Variants in HOXA3 observed in about 807,000 individuals in gnomAD.
The protein encoded by HOXA3 is homeobox A3, also known as homeobox protein Hox-A3.
A neutral mutation model predicts 30.3 loss-of-function variants in HOXA3; 8 were observed. The ratio of observed to expected loss-of-function variants is 0.26; its 90% CI spans 0.15 to 0.48. HOXA3 has a LOEUF of 0.48. Among genes scored for constraint, HOXA3 ranks in the 20% least tolerant of loss-of-function variants. HOXA3 has a pLI of 0.99. For missense variants in HOXA3, 653 were observed against 614.4 expected (o/e 1.06, Z -0.66); for synonymous variants, 323 against 273.1 (o/e 1.18, Z -1.80).
Position 27,108,805 on chromosome 7 carries a change from C to G in HOXA3, c.527-85G>C. 1 of 1,043,736 alleles carries G rather than the reference C, an allele frequency of 9.6e-7. No homozygotes were observed. The highest frequency in any genetic ancestry group is 2.5e-5 in the East Asian group (1 of 39,618). The allele number at this position is 1,043,736 out of a possible 1,614,324, so 64.7% of individuals were successfully genotyped here. The stretch of plus-strand genomic sequence containing the variant: ...TGACCCAGCCCGGCCCCTCCTTCCA[C>G]CAGGCCCCAAAGGTTCCTGCATCCG... On this transcript the variant is annotated intron_variant, in intron 5 of 5. Coordinates refer to ENST00000612286, the MANE Select transcript of HOXA3 (RefSeq NM_153631.3). This position sits in a 1 kb window ranked among gnomAD's most constrained non-coding sequence, Gnocchi z 5.0.
chr7:27,141,969 C>T, intron 1 of HOXA3: 2 of 1,614,268 alleles, frequency 1.2e-6, no homozygotes, highest in Non-Finnish European at 1.7e-6. Flanking sequence ...TGTGCTATTT[C>T]AATCCTCCTT....
chr7:27,139,620 C>T (rs1004563238), intron 2 of HOXA3, among the ~76,000 whole-genome samples: 1 of 152,234 alleles, frequency 6.6e-6, no homozygotes, highest in Non-Finnish European at 1.5e-5. Flanking sequence ...CTTTCAAACT[C>T]CTGAGCGCAG....
At chr7:27,140,060 A>G (rs953754130) in intron 2 of HOXA3, 23 bp downstream of exon 2, 1 of 150,312 alleles carries the variant, frequency 6.7e-6, no homozygotes, top group African/African-American at 2.5e-5. Context: ...ATAAACTTGA[A>G]AGCGCTCAGG....
intron 2 of HOXA3, among the ~76,000 whole-genome samples, chr7:27,135,773 C>T (rs936737018): frequency 6.6e-6 from 1 of 152,184 alleles, no homozygotes; most frequent in East Asian, 1.9e-4. Flanking sequence ...GTTTTTAAAG[C>T]TCCACAGATG....
intron 1 of HOXA3, among the ~76,000 whole-genome samples, chr7:27,149,503 GA>G (rs1224714452): frequency 6.6e-6 from 1 of 152,252 alleles, no homozygotes; most frequent in African/African-American, 2.4e-5. Context: ...AAAAAATTGG[GA>G]AAGGACTGGC....
chr7:27,128,660 T>TG, intron 2 of HOXA3: 2 of 166,884 alleles, frequency 1.2e-5, no homozygotes, highest in South Asian at 1.5e-4. Context: ...ACAGTATCTC[T>TG]GTAACAGTGT....
At chr7:27,133,657 G>C (rs17427693) in intron 2 of HOXA3, among the ~76,000 whole-genome samples, 15,210 of 152,252 alleles carry the variant, frequency 0.1, 1,009 homozygotes, top group African/African-American at 0.19. Context: ...AGTGAAGGGA[G>C]TCGGAGGGAG....
chr7:27,126,599 CA>C (rs969848195), intron 3 of HOXA3, among the ~76,000 whole-genome samples: 33 of 152,068 alleles, frequency 2.2e-4, no homozygotes, highest in African/African-American at 7.7e-4. Flanking sequence ...TTGAAGCAGG[CA>C]AAACAACACT....
rs70994629 is a variant in HOXA3, at chr7:27,114,744, T to TAC, written c.-120-3986_-120-3985dup. 6.0e-3 allele frequency among the ~76,000 whole-genome samples: 556 copies of TAC among 93,432 alleles called. 20 individuals are homozygous for TAC. The highest frequency in any genetic ancestry group is 0.018 in the African/African-American group (479 of 26,620). 61.3% of individuals were successfully genotyped at this position (93,432 alleles called of 152,430 possible). On this transcript the variant is annotated intron_variant, in intron 4 of 5. Coordinates refer to ENST00000612286, the MANE Select transcript of HOXA3 (RefSeq NM_153631.3). ...CTGACCCCAAGAGAAACCGACATCATACACACACACACACACACACACACG... is the reference window on the plus strand; with the variant it reads ...CTGACCCCAAGAGAAACCGACATCATACACACACACACACACACACACACACG...
At chr7:27,130,570 A>T (rs1290914086) in intron 2 of HOXA3, 21 of 1,445,122 alleles carry the variant, frequency 1.5e-5, no homozygotes, top group Non-Finnish European at 1.8e-5. Flanking sequence ...GGGCTGCTGC[A>T]GCGGCAGGTG....
intron 4 of HOXA3, among the ~76,000 whole-genome samples, chr7:27,112,405 G>A (rs894097148): frequency 2.6e-5 from 4 of 152,102 alleles, no homozygotes; most frequent in Non-Finnish European, 1.5e-5. Flanking sequence ...GACTCCTTTA[G>A]ATTTCATTAT....
intron 2 of HOXA3, chr7:27,130,509 C>T (rs1467810835): frequency 7.7e-7 from 1 of 1,305,610 alleles, no homozygotes; most frequent in South Asian, 2.3e-5. Flanking sequence ...CGGTCCGCGG[C>T]GCGTAGTAGG....
chr7:27,110,108 C>T lies in HOXA3; in HGVS notation c.526+7G>A, dbSNP rs1168495024. On this transcript the variant is annotated splice_region_variant and intron_variant, in intron 5 of 5. Transcript: ENST00000612286. Reference sequence around the variant, plus strand: ...AGAGGACCCTCTTCCAGAAGGCACTCCTTTACCTGAGCTGGAGCTGCTGGT... The same window carrying T: ...AGAGGACCCTCTTCCAGAAGGCACTTCTTTACCTGAGCTGGAGCTGCTGGT... The T allele has an allele frequency of 6.2e-7, 1 of 1,614,152 alleles. No homozygotes were observed. The highest frequency in any genetic ancestry group is 1.7e-5 in the Admixed American group (1 of 60,030).
At chr7:27,128,918 G>A (rs1785394138) in intron 2 of HOXA3, 1 of 424,426 alleles carries the variant, frequency 2.4e-6, no homozygotes, top group Non-Finnish European at 4.3e-6. Flanking sequence ...CCAGCTAGCT[G>A]ACTGTAGCCA....
Position 27,147,346 on chromosome 7 carries a change from G to C in HOXA3, c.-494+4942C>G, listed in dbSNP as rs774234211. 24 of 1,614,128 alleles carry C rather than the reference G, an allele frequency of 1.5e-5. No homozygotes were observed. The highest frequency in any genetic ancestry group is 1.8e-5 in the Non-Finnish European group (21 of 1,180,034). On this transcript the variant is annotated intron_variant, in intron 1 of 5. Transcript: ENST00000612286. ...CATCCGCTGCATCCAAGGGTAAACC[G>C]GGCTCGTGTACTTCCGGTCGGCGCC...
At chr7:27,151,294 A>G in intron 1 of HOXA3, 1 of 306,012 alleles carries the variant, frequency 3.3e-6, no homozygotes. Flanking sequence ...CTACAGTTCG[A>G]GCCACCGCGC....
chr7:27,149,608 C>T (rs1782900022), intron 1 of HOXA3, among the ~76,000 whole-genome samples: 1 of 152,208 alleles, frequency 6.6e-6, no homozygotes, highest in Non-Finnish European at 1.5e-5. Flanking sequence ...GATGCCTGTT[C>T]CCCAGTCGAT....
chr7:27,126,814 T>G (rs745998520), intron 3 of HOXA3, 72 bp downstream of exon 3: 6 of 152,208 alleles, frequency 3.9e-5, no homozygotes, highest in African/African-American at 1.4e-4. Flanking sequence ...CTCATACAAC[T>G]GCCTGCAGCA....
rs761272954 is a variant in HOXA3 at position 27,110,495 on chromosome 7, G to A, written c.146C>T (p.Ala49Val). ...GCTGGAGGGAGACTGGAGGGAGCAGGCGGGTCGGTGGTACTCGCCGTCGGC... is the reference window on the plus strand; with the variant it reads ...GCTGGAGGGAGACTGGAGGGAGCAGACGGGTCGGTGGTACTCGCCGTCGGC... ...LGADGEYHRP[A>V]CSLQSPSSAG... is the part of the protein sequence containing the mutation. Residue 49 changes from alanine to valine, a missense_variant, in exon 5 of 6, where the codon GCC (alanine) becomes GTC (valine). By Grantham distance (64) the Ala-to-Val change is moderately conservative. Transcript: ENST00000612286. 11 of 1,604,596 alleles carry A rather than the reference G, an allele frequency of 6.9e-6. No homozygotes were observed. Among genetic ancestry groups the A allele is most frequent in the Admixed American group, 6.7e-5 (4 of 59,562 alleles).
Sources: gnomAD v4.1 joint callset for allele counts (sites outside exome capture counted in the v4.1 genomes callset) on GRCh38, gnomAD v4.1.1 for gene constraint, Gnocchi (gnomAD v3.1) non-coding constraint, MANE v1.5 for transcripts, NCBI Gene and HGNC (gene_info 2026-07-23, HGNC 2026-07-21) for gene names.